Variants in IARS1 observed in about 807,000 individuals in gnomAD.
IARS1 encodes isoleucine--tRNA ligase, cytoplasmic.
In IARS1, 124 loss-of-function variants were observed where a neutral mutation model predicts 168.2. That is an observed-to-expected ratio of 0.74 (90% CI 0.64 to 0.86). IARS1 has a LOEUF of 0.86. IARS1 is among the 40% of genes least tolerant of loss of function. The probability of loss-of-function intolerance (pLI) is 0.00; values close to 1 mark genes in which losing one functional copy is unlikely to be tolerated. For missense variants in IARS1, 1,452 were observed against 1,515.8 expected, an observed-to-expected ratio of 0.96 and a Z score of 0.70; for synonymous variants, 532 against 529.4, an observed-to-expected ratio of 1.00 and a Z score of -0.07.
intron 19 of IARS1, among the ~76,000 whole-genome samples, 154 bp downstream of exon 19, chr9:92,258,700 C>T (rs1274978581): frequency 6.6e-6 from 1 of 152,216 alleles, no homozygotes; most frequent in Non-Finnish European, 1.5e-5. Flanking sequence ...TCCGCACCTG[C>T]ATGTATGGCC....
intron 33 of IARS1, among the ~76,000 whole-genome samples, chr9:92,222,154 C>A (rs959356857): frequency 6.9e-6 from 1 of 145,620 alleles, no homozygotes; most frequent in Non-Finnish European, 1.5e-5. Context: ...CCCGTCTCTA[C>A]TAAAATCCAA....
At chr9:92,260,626 G>A (rs1831391498) in intron 17 of IARS1, among the ~76,000 whole-genome samples, 1 of 152,170 alleles carries the variant, frequency 6.6e-6, no homozygotes, top group Non-Finnish European at 1.5e-5. Context: ...CTACACTCTA[G>A]CCTGGGCAGC....
chr9:92,238,374 GT>G lies in IARS1; in HGVS notation c.3283+2481del, dbSNP rs1278049846. Among the ~76,000 whole-genome samples the G allele has an allele frequency of 1.2e-4, 19 of 152,304 alleles. No individual in the cohort carries two copies. The East Asian group carries it at 3.7e-3, about 29-fold the overall frequency. On this transcript the variant is annotated intron_variant, in intron 30 of 33. Coordinates refer to ENST00000443024, the MANE Select transcript of IARS1 (RefSeq NM_002161.6). The stretch of plus-strand genomic sequence containing the variant: ...CCCTCATGAATGGCTTGGTACCCTT[GT>G]TGCAGTAATGAGTGAGTTCTCACTC...
In IARS1 at chr9:92,235,131, CTTA is replaced by C. The variant is rs567240922; in HGVS notation, c.3283+5722_3283+5724del. Among the ~76,000 whole-genome samples the C allele has an allele frequency of 3.3e-5, 5 of 152,170 alleles. No homozygotes were observed. In the South Asian group the frequency reaches 1.0e-3, roughly 32 times the overall value. On this transcript the variant is annotated intron_variant, in intron 30 of 33. Coordinates refer to ENST00000443024, the MANE Select transcript of IARS1 (RefSeq NM_002161.6). ...TACAGGCGTGAGCCACCAAGCCTGG[CTTA>C]TTTTTTCAGGTGTTTGTATGTATGT...
chr9:92,241,534 T>C (rs1237436872), intron 29 of IARS1, among the ~76,000 whole-genome samples: 1 of 152,054 alleles, frequency 6.6e-6, no homozygotes, highest in Non-Finnish European at 1.5e-5. Context: ...TTAGTAGAGA[T>C]GGGGTTTCAC....
intron 3 of IARS1, 22 bp downstream of exon 3, chr9:92,288,103 TA>T (rs780469002): frequency 6.3e-7 from 1 of 1,593,796 alleles, no homozygotes; most frequent in South Asian, 1.1e-5. Context: ...CAGAAAATTA[TA>T]AAGCTGGATA....
rs148530218 is a variant in IARS1 at position 92,280,826 on chromosome 9, G to A, written c.665C>T (p.Ala222Val). ...LEEDETVSLV[A>V]WTTTPWTLPS... ...TAGAGTCCAGGGAGTGGTTGTCCAA[G>A]CAACTAAAGATACAGTTTCATCTTC... is the stretch of plus-strand genomic sequence containing the variant. The change falls in exon 7 of 34, where the codon GCT becomes GTT. Residue 222 changes from alanine to valine, a missense_variant. Ala to Val is a moderately conservative substitution (Grantham distance 64, BLOSUM62 0). Transcript: ENST00000443024. The A allele has an allele frequency of 5.6e-6, 9 of 1,609,996 alleles. No individual in the cohort carries two copies.
At chr9:92,252,883 G>T (rs1167268116) in intron 21 of IARS1, among the ~76,000 whole-genome samples, 3 of 138,674 alleles carry the variant, frequency 2.2e-5, no homozygotes, top group Non-Finnish European at 4.6e-5. Flanking sequence ...TGTTATTTAT[G>T]TACCTGGCTT....
chr9:92,280,484 C>T (rs1017419272), intron 7 of IARS1, among the ~76,000 whole-genome samples: 8 of 152,060 alleles, frequency 5.3e-5, no homozygotes, highest in African/African-American at 1.9e-4. Context: ...GTCACAGGGG[C>T]ATGGTGTGGA....
At chr9:92,248,078 T>C (rs539834273) in intron 25 of IARS1, among the ~76,000 whole-genome samples, 3 of 152,222 alleles carry the variant, frequency 2.0e-5, no homozygotes, top group Non-Finnish European at 4.4e-5. Flanking sequence ...TCAAGACAGT[T>C]GAGCATAACA....
intron 1 of IARS1, among the ~76,000 whole-genome samples, chr9:92,290,352 G>A (rs551334932): frequency 2.6e-5 from 4 of 152,256 alleles, no homozygotes; most frequent in South Asian, 2.1e-4. Flanking sequence ...GCGTATCCAC[G>A]TTGGATAGAT....
intron 33 of IARS1, among the ~76,000 whole-genome samples, chr9:92,218,127 A>C (rs1346185222): frequency 1.3e-5 from 2 of 152,090 alleles, no homozygotes; most frequent in African/African-American, 4.8e-5. Context: ...AATATACGCA[A>C]ATCAGTAAAT....
chr9:92,274,642 T>C (rs1833547986), intron 9 of IARS1, 121 bp from the exon 10 acceptor site: 2 of 633,954 alleles, frequency 3.2e-6, no homozygotes, highest in African/African-American at 3.6e-5. Flanking sequence ...TTTTCAGAAA[T>C]AGAAAAGAAA....
Position 92,223,235 on chromosome 9 carries a change from C to T in IARS1, c.3553+111G>A, listed in dbSNP as rs556104028. On this transcript the variant is annotated intron_variant, in intron 32 of 33. Transcript: ENST00000443024. ...CTCCCCAAAGTTGCGTGAGAGCCCA[C>T]ACTTTAAAGCAATACTTTGAAGCCG... 137 of 992,710 alleles carry T rather than the reference C, an allele frequency of 1.4e-4. No homozygotes were observed. In the African/African-American group the frequency reaches 2.1e-3, roughly 15 times the overall value. The allele number at this position is 992,710 out of a possible 1,614,324, so 61.5% of individuals were successfully genotyped here.
intron 16 of IARS1, 41 bp downstream of exon 16, chr9:92,264,888 A>G (rs766936926): frequency 1.3e-6 from 2 of 1,538,592 alleles, no homozygotes; most frequent in East Asian, 2.3e-5. Context: ...TAAATAAAAT[A>G]AAATCAATAA....
intron 23 of IARS1, 130 bp from the exon 24 acceptor site, chr9:92,250,419 G>A (rs963322506): frequency 1.4e-6 from 1 of 701,162 alleles, no homozygotes; most frequent in East Asian, 2.7e-5. Flanking sequence ...GTGAAGCACT[G>A]GGGAAGGGCA....
chr9:92,264,800 G>A lies in IARS1; in HGVS notation c.1700+129C>T, dbSNP rs1832047344. 3.8e-6 allele frequency: 3 copies of A among 783,278 alleles called. No homozygotes were observed. The Admixed American group carries it at 8.7e-5, about 23-fold the overall frequency. 48.5% of individuals were successfully genotyped at this position (783,278 alleles called of 1,614,324 possible). Reference sequence around the variant, plus strand: ...GCTTGGTGGTGGAGGGGAGAGGGCAGGAATGTAGCCTGTCTTATTTGCCAC... The same window carrying A: ...GCTTGGTGGTGGAGGGGAGAGGGCAAGAATGTAGCCTGTCTTATTTGCCAC... On this transcript the variant is annotated intron_variant, in intron 16 of 33. Transcript: ENST00000443024.
At chr9:92,249,829 A>C (rs1354129967) in intron 25 of IARS1, 29 bp downstream of exon 25, 1 of 1,171,844 alleles carries the variant, frequency 8.5e-7, no homozygotes, top group Non-Finnish European at 1.3e-6. Flanking sequence ...GTCTATCTGT[A>C]CCAAAAACAG....
chr9:92,271,214 T>C, intron 11 of IARS1, 138 bp from the exon 12 acceptor site: 2 of 609,128 alleles, frequency 3.3e-6, no homozygotes, highest in South Asian at 2.9e-5. Context: ...TCACTAACTT[T>C]AAGTAATTTT....
Sources: gnomAD v4.1 joint callset for allele counts (sites outside exome capture counted in the v4.1 genomes callset) on GRCh38, gnomAD v4.1.1 for gene constraint, MANE v1.5 for transcripts, NCBI Gene and HGNC (gene_info 2026-07-23, HGNC 2026-07-21) for gene names.